Variants in EYA2 observed in about 807,000 individuals in gnomAD.
EYA2 encodes EYA transcriptional coactivator and phosphatase 2.
Under a neutral mutation model 69.2 loss-of-function variants are expected in EYA2, and 31 were observed. That is an observed-to-expected ratio of 0.45 (90% CI 0.34 to 0.60). The LOEUF is 0.60. Ranked by LOEUF, EYA2 falls within the 20% of genes least tolerant of loss-of-function variation. EYA2 has a pLI of 0.02. For missense variants in EYA2, 622 were observed against 701.2 expected (o/e 0.89, Z 1.28); for synonymous variants, 257 against 279.4 (o/e 0.92, Z 0.80).
chr20:47,047,396 C>CTTTTTTTTTTTT (rs775373584), intron 5 of EYA2, among the ~76,000 whole-genome samples: 17,720 of 147,102 alleles, frequency 0.12, 1,255 homozygotes, highest in South Asian at 0.19. Context: ...CTCTCTCTCT[C>CTTTTTTTTTTTT]TTTTTTTTGA....
intron 5 of EYA2, among the ~76,000 whole-genome samples, chr20:47,018,106 G>T (rs1488868165): frequency 6.6e-6 from 1 of 152,166 alleles, no homozygotes; most frequent in East Asian, 1.9e-4. Context: ...GGTGTGTGAA[G>T]GTACTGAACT....
chr20:47,097,646 A>G (rs2032292989), intron 9 of EYA2, among the ~76,000 whole-genome samples: 1 of 152,228 alleles, frequency 6.6e-6, no homozygotes, highest in Admixed American at 6.5e-5. Flanking sequence ...TTGCAAATGT[A>G]TCATCAACAA....
At chr20:46,989,088 C>T (rs6090596) in intron 1 of EYA2, among the ~76,000 whole-genome samples, 1 of 152,030 alleles carries the variant, frequency 6.6e-6, no homozygotes, top group African/African-American at 2.4e-5. Flanking sequence ...CAAAGGAGAC[C>T]TCATCCCTAC....
intron 1 of EYA2, among the ~76,000 whole-genome samples, chr20:46,940,555 A>G (rs1986110806): frequency 6.6e-6 from 1 of 152,232 alleles, no homozygotes; most frequent in Admixed American, 6.5e-5. Flanking sequence ...CCACAGATAC[A>G]AAACCCAAAT....
At chr20:46,929,734 C>T (rs949486645) in intron 1 of EYA2, among the ~76,000 whole-genome samples, 7 of 151,788 alleles carry the variant, frequency 4.6e-5, no homozygotes, top group East Asian at 1.9e-4. Flanking sequence ...AGGCTGGGTG[C>T]GGTGGCTCAC....
At position 47,058,052 on chromosome 20, in the gene EYA2, T is replaced by C. The variant is rs75963100; in HGVS notation, c.416-14133T>C. On this transcript the variant is annotated intron_variant, in intron 5 of 15. Coordinates refer to ENST00000327619, the MANE Select transcript of EYA2 (RefSeq NM_005244.5). ...AGTTCATTAGTATTTATCCAGCTGC[T>C]AATGCCAACAACTGAAAGTCTTCCA... 9.8e-3 allele frequency among the ~76,000 whole-genome samples: 1,486 copies of C among 152,338 alleles called. 19 individuals carry two copies. The highest frequency in any genetic ancestry group is 0.033 in the African/African-American group (1,388 of 41,568).
chr20:46,928,399 A>G lies in EYA2; in HGVS notation c.-11+33412A>G, dbSNP rs148705422. Among the ~76,000 whole-genome samples, 689 of 152,304 alleles carry G rather than the reference A, an allele frequency of 4.5e-3. 8 individuals carry two copies. The highest frequency in any genetic ancestry group is 0.016 in the African/African-American group (667 of 41,556). The stretch of plus-strand genomic sequence containing the variant: ...GAGGAGAGTAGTAATGACATCTACT[A>G]TTTATTAATCACCTGCTGAGCATCA... On this transcript the variant is annotated intron_variant, in intron 1 of 15. Coordinates refer to ENST00000327619, the MANE Select transcript of EYA2 (RefSeq NM_005244.5).
chr20:47,169,024 C>A, intron 10 of EYA2, 115 bp from the exon 11 acceptor site: 1 of 887,292 alleles, frequency 1.1e-6, no homozygotes, highest in Non-Finnish European at 1.9e-6. Flanking sequence ...AGCCTGATGA[C>A]TCCCAGTGCA....
At chr20:47,118,932 A>T (rs2032974502) in intron 9 of EYA2, among the ~76,000 whole-genome samples, 3 of 152,214 alleles carry the variant, frequency 2.0e-5, no homozygotes, top group Non-Finnish European at 4.4e-5. Flanking sequence ...AAGGAGAGGG[A>T]TTTAAATCCT....
At chr20:47,172,656 T>C in intron 11 of EYA2, 51 bp from the exon 12 acceptor site, 1 of 1,532,882 alleles carries the variant, frequency 6.5e-7, no homozygotes, top group Non-Finnish European at 8.8e-7. Flanking sequence ...CCAGGGAAGA[T>C]GCCCTGCACC....
intron 1 of EYA2, among the ~76,000 whole-genome samples, chr20:46,906,614 C>T (rs1422272882): frequency 6.6e-6 from 1 of 152,202 alleles, no homozygotes; most frequent in Admixed American, 6.5e-5. Flanking sequence ...TAGGCATTAA[C>T]TCATTTATTC....
chr20:47,135,818 C>CAAAAAA lies in EYA2; in HGVS notation c.889-7223_889-7218dup, dbSNP rs1201324879. Among the ~76,000 whole-genome samples the CAAAAAA allele has an allele frequency of 1.9e-3, 62 of 33,158 alleles. 1 individual carries two copies. The highest frequency in any genetic ancestry group is 0.016 in the Middle Eastern group (1 of 62). The allele number at this position is 33,158 out of a possible 152,430, so 21.8% of individuals were successfully genotyped here. On this transcript the variant is annotated intron_variant, in intron 9 of 15. Coordinates refer to ENST00000327619, the MANE Select transcript of EYA2 (RefSeq NM_005244.5). ...GCAACATAAGGAGACCCTGTCTCTA[C>CAAAAAA]AAAAAAAAAAAAAAAAAAAAAAACA...
chr20:47,113,916 GGTTTCTT>G (rs2032821023), intron 9 of EYA2, among the ~76,000 whole-genome samples: 1 of 151,950 alleles, frequency 6.6e-6, no homozygotes, highest in Non-Finnish European at 1.5e-5. Context: ...GTGCTTCTGG[GGTTTCTT>G]ATTTAAATGG....
At chr20:46,913,563 A>G (rs889656033) in intron 1 of EYA2, among the ~76,000 whole-genome samples, 2 of 142,402 alleles carry the variant, frequency 1.4e-5, no homozygotes, top group African/African-American at 5.0e-5. Context: ...GTGGGGCAGG[A>G]AAACCGTTAA....
Position 47,174,679 on chromosome 20 carries a change from G to A in EYA2, c.1198+1812G>A, listed in dbSNP as rs3787236. On this transcript the variant is annotated intron_variant, in intron 12 of 15. Coordinates refer to ENST00000327619, the MANE Select transcript of EYA2 (RefSeq NM_005244.5). ...CACTCGCTCTGCCAGTTTTGCCACC[G>A]TTTTCATGGACTAGCTCCTTCACTC... Among the ~76,000 whole-genome samples the A allele has an allele frequency of 1.5e-3, 224 of 152,346 alleles. 6 individuals carry two copies. In the East Asian group the frequency reaches 0.041, roughly 28 times the overall value.
chr20:47,163,410 A>G (rs1176533185), intron 10 of EYA2, among the ~76,000 whole-genome samples: 1 of 151,796 alleles, frequency 6.6e-6, no homozygotes, highest in Non-Finnish European at 1.5e-5. Flanking sequence ...ATAAAAATTC[A>G]CCTCCTTGGC....
At chr20:47,079,245 A>G (rs931479793) in intron 7 of EYA2, among the ~76,000 whole-genome samples, 3 of 152,234 alleles carry the variant, frequency 2.0e-5, no homozygotes, top group African/African-American at 7.2e-5. Flanking sequence ...CTGCTGTAAC[A>G]AATTATTATG....
chr20:47,162,122 G>T (rs772020625), intron 10 of EYA2, among the ~76,000 whole-genome samples: 1 of 152,062 alleles, frequency 6.6e-6, no homozygotes, highest in Admixed American at 6.6e-5. Context: ...TCATCACCTG[G>T]CATTCTTCGT....
Position 46,965,613 on chromosome 20 carries a change from T to C in EYA2, c.-10-24388T>C, listed in dbSNP as rs562550506. The stretch of plus-strand genomic sequence containing the variant: ...GTGCCTTCTTCCCAGCGTGCAGAAC[T>C]GTTTGCCTGGGCGTAGGTTGGAGAC... On this transcript the variant is annotated intron_variant, in intron 1 of 15. Transcript: ENST00000327619. 1.2e-4 allele frequency among the ~76,000 whole-genome samples: 18 copies of C among 152,348 alleles called. No individual in the cohort carries two copies. In the South Asian group the frequency reaches 3.5e-3, roughly 30 times the overall value.
Sources: gnomAD v4.1 joint callset for allele counts (sites outside exome capture counted in the v4.1 genomes callset) on GRCh38, gnomAD v4.1.1 for gene constraint, MANE v1.5 for transcripts, NCBI Gene and HGNC (gene_info 2026-07-23, HGNC 2026-07-21) for gene names.